C16orf96: variants seen among roughly 807,000 people sequenced by gnomAD.
C16orf96 encodes chromosome 16 open reading frame 96.
A neutral mutation model predicts 103.6 loss-of-function variants in C16orf96; 108 were observed. The ratio of observed to expected loss-of-function variants is 1.04; its 90% confidence interval spans 0.89 to 1.22. The LOEUF (loss-of-function observed/expected upper bound fraction) is 1.22. Ranked by LOEUF, C16orf96 falls within the 50% of genes most tolerant of loss-of-function variation. The probability of loss-of-function intolerance (pLI) is 0.00; values close to 1 mark genes in which losing one functional copy is unlikely to be tolerated. For missense variants in C16orf96, 1,586 were observed against 1,464.2 expected (o/e 1.08, Z -1.36); for synonymous variants, 566 against 593.5 (o/e 0.95, Z 0.67).
chr16:4,600,109 C>A lies in C16orf96; in HGVS notation c.3218C>A (p.Pro1073His). 1 of 1,551,514 alleles carries A rather than the reference C, an allele frequency of 6.4e-7. No individual in the cohort carries two copies. The highest frequency in any genetic ancestry group is 8.7e-7 in the Non-Finnish European group (1 of 1,147,120). The change falls in exon 16 of 16, where the codon CCC becomes CAC. Residue 1073 changes from proline to histidine, a missense_variant. Transcript: ENST00000444310. Reference protein sequence around the residue: ...LFGAICPPLCPRSSACSAASG... With the variant: ...LFGAICPPLCHRSSACSAASG... The stretch of plus-strand genomic sequence containing the variant: ...TCCTGCCCCTCCCCAGCCCTGTGCC[C>A]CCGCTCCAGTGCCTGCTCAGCTGCC...
intron 5 of C16orf96, among the ~76,000 whole-genome samples, chr16:4,577,923 G>A (rs183368242): frequency 5.3e-5 from 8 of 152,138 alleles, no homozygotes; most frequent in South Asian, 2.1e-4. Flanking sequence ...TGCCACTCCC[G>A]CCTGGGCGAT....
Position 4,588,300 on chromosome 16 carries a change from T to TGGA in C16orf96, c.2566_2568dup (p.Glu856dup). ...CATGAGGACAGCTGGAAGAAGGCTA[T>TGGA]GGAGGAGCTCAGCAAGGACGTGAAC... On this transcript the variant is annotated inframe_insertion, in exon 9 of 16. Coordinates refer to ENST00000444310, the MANE Select transcript of C16orf96 (RefSeq NM_001145011.2). 2 of 1,551,690 alleles carry TGGA rather than the reference T, an allele frequency of 1.3e-6. No individual in the cohort carries two copies. Among genetic ancestry groups the TGGA allele is most frequent in the Non-Finnish European group, 1.7e-6 (2 of 1,146,948 alleles).
intron 1 of C16orf96, among the ~76,000 whole-genome samples, chr16:4,564,841 T>C (rs1278831028): frequency 6.6e-6 from 1 of 152,024 alleles, no homozygotes; most frequent in Non-Finnish European, 1.5e-5. Context: ...AAATAAAAAT[T>C]GGGTTTTTAA....
intron 2 of C16orf96, among the ~76,000 whole-genome samples, chr16:4,572,601 A>G (rs1238219004): frequency 6.6e-6 from 1 of 152,062 alleles, no homozygotes; most frequent in Non-Finnish European, 1.5e-5. Context: ...ACATCCGGCA[A>G]TACTGACGTT....
intron 9 of C16orf96, among the ~76,000 whole-genome samples, chr16:4,590,473 C>T (rs549909488): frequency 2.7e-5 from 4 of 150,640 alleles, no homozygotes; most frequent in East Asian, 2.0e-4. Context: ...CAAGGAGAAT[C>T]GCTTGAACCC....
At chr16:4,552,277 C>T (rs1358413714), upstream of C16orf96, among the ~76,000 whole-genome samples, 5 of 152,054 alleles carry the variant, frequency 3.3e-5, no homozygotes, top group Admixed American at 6.6e-5. Context: ...AGGTCAGGAG[C>T]TCGAGACCAG....
At chr16:4,552,951 C>CGGA (rs2059236898), upstream of C16orf96, among the ~76,000 whole-genome samples, 1 of 152,112 alleles carries the variant, frequency 6.6e-6, no homozygotes, top group African/African-American at 2.4e-5. Flanking sequence ...ACAGCTCCTT[C>CGGA]GGAGCTATCA....
Position 4,573,486 on chromosome 16 carries a change from T to C in C16orf96, c.526-1223T>C, listed in dbSNP as rs542912159. 1.6e-4 allele frequency among the ~76,000 whole-genome samples: 22 copies of C among 139,928 alleles called. 1 individual carries two copies. Among genetic ancestry groups the C allele is most frequent in the South Asian group, 7.0e-4 (3 of 4,306 alleles). 91.8% of individuals were successfully genotyped at this position (139,928 alleles called of 152,430 possible). On this transcript the variant is annotated intron_variant, in intron 2 of 15. Coordinates refer to ENST00000444310, the MANE Select transcript of C16orf96 (RefSeq NM_001145011.2). ...TGGGGTCGGTGGGGCGGCATGGTGGTTCACGCCTGTAATCTCAGCATTTTG... is the reference window on the plus strand; with the variant it reads ...TGGGGTCGGTGGGGCGGCATGGTGGCTCACGCCTGTAATCTCAGCATTTTG...
At chr16:4,564,694 C>T (rs1175755048) in intron 1 of C16orf96, among the ~76,000 whole-genome samples, 2 of 152,004 alleles carry the variant, frequency 1.3e-5, no homozygotes, top group Admixed American at 6.6e-5. Context: ...GCCTGTAGTC[C>T]CAGCCACTCG....
In C16orf96 at chr16:4,575,917, C is replaced by A; in HGVS notation, c.1437C>A (p.Pro479=). Residue 479 remains proline, a synonymous_variant, in exon 5 of 16, where the codon CCC becomes CCA. Coordinates refer to ENST00000444310, the MANE Select transcript of C16orf96 (RefSeq NM_001145011.2). ...LRERARKDGA[P]KDRTRKDGVP... is the part of the protein sequence containing the mutation. ...AGAGGGCCCGCAAGGATGGGGCCCCCAAGGATAGAACTCGCAAGGATGGGG... is the reference window on the plus strand; with the variant it reads ...AGAGGGCCCGCAAGGATGGGGCCCCAAAGGATAGAACTCGCAAGGATGGGG... 1 of 1,551,488 alleles carries A rather than the reference C, an allele frequency of 6.4e-7. No homozygotes were observed. Among genetic ancestry groups the A allele is most frequent in the Non-Finnish European group, 8.7e-7 (1 of 1,146,962 alleles).
At chr16:4,599,848 A>C in intron 15 of C16orf96, among the ~76,000 whole-genome samples, 1 of 152,186 alleles carries the variant, frequency 6.6e-6, no homozygotes, top group African/African-American at 2.4e-5. Flanking sequence ...GTGGACTCCA[A>C]GCTTCATGTT....
At chr16:4,570,199 T>C (rs565320500) in intron 1 of C16orf96, among the ~76,000 whole-genome samples, 2 of 152,308 alleles carry the variant, frequency 1.3e-5, no homozygotes, top group East Asian at 3.9e-4. Context: ...TACTCCTGCC[T>C]CAAGCTCCCA....
the C16orf96 span, among the ~76,000 whole-genome samples, chr16:4,540,182 G>A: frequency 6.6e-6 from 1 of 152,210 alleles, no homozygotes; most frequent in East Asian, 1.9e-4. Flanking sequence ...AGTATACAAG[G>A]AAACCACAAA....
chr16:4,598,525 G>A (rs149933984), intron 14 of C16orf96, among the ~76,000 whole-genome samples: 8 of 152,252 alleles, frequency 5.3e-5, no homozygotes, highest in Admixed American at 3.9e-4. Context: ...CAAGATAGTG[G>A]TGGTGGTGTG....
intron 1 of C16orf96, among the ~76,000 whole-genome samples, chr16:4,568,400 C>G (rs1283024437): frequency 6.6e-6 from 1 of 151,972 alleles, no homozygotes; most frequent in Non-Finnish European, 1.5e-5. Context: ...TCTGTTATGT[C>G]TAGTTGGTTT....
At position 4,591,732 on chromosome 16, in the gene C16orf96, C is replaced by T; in HGVS notation, c.2659C>T (p.Leu887=). The change falls in exon 10 of 16, where the codon CTG becomes TTG. Residue 887 remains leucine (L), a synonymous_variant. Coordinates refer to ENST00000444310, the MANE Select transcript of C16orf96 (RefSeq NM_001145011.2). ...AGAGGTCTGGAAAATCGTCCGGAAG[C>T]TGCTGATTGAGGGCTTAAGACTGGA... ...MEEVWKIVRK[L]LIEGLRLDPD... 1 of 1,551,708 alleles carries T rather than the reference C, an allele frequency of 6.4e-7. No homozygotes were observed. The highest frequency in any genetic ancestry group is 8.7e-7 in the Non-Finnish European group (1 of 1,146,994).
chr16:4,599,468 C>T lies in C16orf96; in HGVS notation c.3208+104C>T. On this transcript the variant is annotated intron_variant, in intron 15 of 15. Coordinates refer to ENST00000444310, the MANE Select transcript of C16orf96 (RefSeq NM_001145011.2). ...CCACACCCCGCCTGGGCTCTCCTGT[C>T]CACCTCCTCCACCTCCTGCCTGCTT... 8 of 906,368 alleles carry T rather than the reference C, an allele frequency of 8.8e-6. No individual in the cohort carries two copies. In the South Asian group the frequency reaches 1.2e-4, roughly 13 times the overall value. 56.1% of individuals were successfully genotyped at this position (906,368 alleles called of 1,614,324 possible).
chr16:4,548,198 C>T, the C16orf96 span, among the ~76,000 whole-genome samples: 1 of 152,148 alleles, frequency 6.6e-6, no homozygotes, highest in African/African-American at 2.4e-5. Flanking sequence ...GTTCCTGCCT[C>T]ACTCGCTGTC....
rs183700860 is a variant in C16orf96, at chr16:4,576,369, G to A, written c.1889G>A (p.Arg630Gln). Residue 630 changes from arginine to glutamine, a missense_variant, in exon 5 of 16, where the codon CGG becomes CAG. Transcript: ENST00000444310. ...GATGTCCTGGGTGCAGGGCCTTCCC[G>A]GGGAGCCACAGAATCCCAGATCTTG... is the stretch of plus-strand genomic sequence containing the variant. ...FADVLGAGPSRGATESQILGD... is the reference protein window; with the variant it reads ...FADVLGAGPSQGATESQILGD... 8.2e-4 allele frequency: 1,278 copies of A among 1,550,928 alleles called. 27 individuals carry two copies. The Admixed American group carries it at 0.023, about 27-fold the overall frequency.
Sources: allele counts gnomAD v4.1 joint callset (sites outside exome capture counted in the v4.1 genomes callset), GRCh38; gene constraint gnomAD v4.1.1; transcripts MANE v1.5; gene names NCBI Gene and HGNC (gene_info 2026-07-23, HGNC 2026-07-21).